Variants in FAT3 observed in about 807,000 individuals in gnomAD.
FAT3 encodes the protein protocadherin Fat 3.
Under a neutral mutation model 310.2 loss-of-function variants are expected in FAT3, and 95 were observed. The ratio of observed to expected loss-of-function variants is 0.31; its 90% CI spans 0.26 to 0.36. FAT3 has a LOEUF of 0.36. Among genes scored for constraint, FAT3 ranks in the 10% least tolerant of loss-of-function variants. The pLI, the probability that FAT3 is intolerant of heterozygous loss-of-function variation, is 1.00. For synonymous variants in FAT3, 2,314 were observed against 2,192.9 expected (o/e 1.06, Z -1.54); for missense variants, 5,408 against 5,715.6 (o/e 0.95, Z 1.74).
At chr11:92,394,481 C>G (rs973711175) in intron 2 of FAT3, among the ~76,000 whole-genome samples, 1 of 152,042 alleles carries the variant, frequency 6.6e-6, no homozygotes, top group African/African-American at 2.4e-5. Flanking sequence ...TAAACTCACC[C>G]TTTCCACCAC....
At chr11:92,755,229 T>TTGTTTGTTTGTC (rs1392732679) in intron 4 of FAT3, among the ~76,000 whole-genome samples, 1 of 152,026 alleles carries the variant, frequency 6.6e-6, no homozygotes, top group East Asian at 1.9e-4. Context: ...GTTTGTTTGT[T>TTGTTTGTTTGTC]TGTTTGTTTT....
At chr11:92,568,116 G>C (rs1614393) in intron 3 of FAT3, among the ~76,000 whole-genome samples, 59,345 of 152,032 alleles carry the variant, frequency 0.39, 12,309 homozygotes, top group Middle Eastern at 0.53. Context: ...CCACCTGACA[G>C]TATTCTAGGC....
chr11:92,723,195 C>T (rs1033528992), intron 4 of FAT3, among the ~76,000 whole-genome samples: 3 of 152,142 alleles, frequency 2.0e-5, no homozygotes, highest in Non-Finnish European at 4.4e-5. Context: ...ACCTCTTGAA[C>T]GTTTTGCTGC....
intron 2 of FAT3, among the ~76,000 whole-genome samples, chr11:92,381,343 G>A (rs2134763055): frequency 6.6e-6 from 1 of 152,242 alleles, no homozygotes; most frequent in South Asian, 2.1e-4. Flanking sequence ...GTGAAACCCT[G>A]TCTCTCCTAA....
chr11:92,666,856 T>C (rs1183050567), intron 3 of FAT3, among the ~76,000 whole-genome samples: 1 of 152,092 alleles, frequency 6.6e-6, no homozygotes, highest in Admixed American at 6.5e-5. Flanking sequence ...GAGCTTATCC[T>C]GGACCAGCCT....
chr11:92,690,445 C>T (rs563658735), intron 3 of FAT3, among the ~76,000 whole-genome samples: 50 of 152,282 alleles, frequency 3.3e-4, no homozygotes, highest in African/African-American at 1.2e-3. Flanking sequence ...ACCATGTGCT[C>T]AATTGAGCAA....
intron 4 of FAT3, among the ~76,000 whole-genome samples, chr11:92,729,549 C>G (rs1218955364): frequency 6.6e-6 from 1 of 151,730 alleles, no homozygotes; most frequent in Admixed American, 6.6e-5. Flanking sequence ...GCCTCAGCCT[C>G]CCAAGTAGCT....
At chr11:92,504,079 A>G (rs1198995191) in intron 2 of FAT3, among the ~76,000 whole-genome samples, 1 of 152,182 alleles carries the variant, frequency 6.6e-6, no homozygotes, top group East Asian at 1.9e-4. Context: ...ATTGTGAATT[A>G]TTATGTAATG....
chr11:92,504,800 A>G (rs966888807), intron 2 of FAT3, among the ~76,000 whole-genome samples: 6 of 152,138 alleles, frequency 3.9e-5, no homozygotes, highest in Non-Finnish European at 2.9e-5. Flanking sequence ...AGGACAGAAG[A>G]CGAATAAGAC....
chr11:92,736,777 G>A (rs1299110306), intron 4 of FAT3, among the ~76,000 whole-genome samples: 1 of 152,150 alleles, frequency 6.6e-6, no homozygotes, highest in Non-Finnish European at 1.5e-5. Context: ...GCAATAAAGT[G>A]AGAATTTGAT....
intron 3 of FAT3, among the ~76,000 whole-genome samples, chr11:92,648,389 C>A (rs1192142999): frequency 6.6e-6 from 1 of 152,124 alleles, no homozygotes; most frequent in Non-Finnish European, 1.5e-5. Flanking sequence ...GCTGTGCAGG[C>A]CCCTCCAGGA....
intron 1 of FAT3, among the ~76,000 whole-genome samples, chr11:92,305,926 A>G (rs1037290621): frequency 2.0e-5 from 3 of 152,146 alleles, no homozygotes; most frequent in African/African-American, 7.2e-5. Flanking sequence ...TCTGTTAACT[A>G]GTTAAGATTA....
rs755104466 is a variant in FAT3, at chr11:92,799,112, G to A, written c.6099G>A (p.Gly2033=). 3.7e-6 allele frequency: 6 copies of A among 1,613,806 alleles called. No homozygotes were observed. The South Asian group carries it at 4.4e-5, about 12-fold the overall frequency. The change falls in exon 10 of 28, where the codon GGG becomes GGA. Residue 2033 remains glycine (G), a synonymous_variant. Coordinates refer to ENST00000525166, the MANE Select transcript of FAT3 (RefSeq NM_001367949.2). ...GNKFKIKSTS[G]VIQTTGVPFD... ...AGTTCAAGATAAAATCTACCTCAGGGGTCATTCAGACGACTGGAGTCCCCT... is the reference window on the plus strand; with the variant it reads ...AGTTCAAGATAAAATCTACCTCAGGAGTCATTCAGACGACTGGAGTCCCCT...
At chr11:92,501,970 C>T (rs768592595) in intron 2 of FAT3, among the ~76,000 whole-genome samples, 6 of 151,126 alleles carry the variant, frequency 4.0e-5, no homozygotes, top group East Asian at 4.0e-4. Context: ...AAAATGCACG[C>T]GCGCGTGTGT....
rs561983278 is a variant in FAT3, at chr11:92,810,024, C to G, written c.9429C>G (p.Asn3143Lys). 1 of 1,613,974 alleles carries G rather than the reference C, an allele frequency of 6.2e-7. No individual in the cohort carries two copies. The highest frequency in any genetic ancestry group is 2.2e-5 in the East Asian group (1 of 44,874). The change falls in exon 13 of 28, where the codon AAC becomes AAG. Residue 3143 changes from asparagine to lysine, a missense_variant. By Grantham distance (94) the Asn-to-Lys change is moderately conservative. This residue lies in a region of FAT3 where 4,588 missense variants were observed against 4,809.8 expected (regional missense o/e 0.95). Coordinates refer to ENST00000525166, the MANE Select transcript of FAT3 (RefSeq NM_001367949.2). ...ACTACAACACCTGTGTCTATGAGAA[C>G]ACAGCCACCAAGGCTCTGTTGACCA... ...SDHYNTCVYE[N>K]TATKALLTRV...
intron 2 of FAT3, among the ~76,000 whole-genome samples, chr11:92,401,381 C>A (rs1018406192): frequency 7.9e-5 from 12 of 152,116 alleles, no homozygotes; most frequent in Admixed American, 2.0e-4. Flanking sequence ...TTCTCTCTAA[C>A]AAAGACCTCA....
chr11:92,329,449 G>C (rs1268068918), intron 1 of FAT3, among the ~76,000 whole-genome samples: 1 of 151,938 alleles, frequency 6.6e-6, no homozygotes, highest in Non-Finnish European at 1.5e-5. Context: ...GAAGCAGCCT[G>C]AGGCCCTCAC....
intron 1 of FAT3, among the ~76,000 whole-genome samples, chr11:92,271,798 C>T (rs1350505749): frequency 6.6e-6 from 1 of 152,166 alleles, no homozygotes; most frequent in African/African-American, 2.4e-5. Flanking sequence ...AGAAGCTATG[C>T]TGCCAGATCC....
intron 19 of FAT3, among the ~76,000 whole-genome samples, chr11:92,849,301 A>G (rs939173677): frequency 1.1e-4 from 17 of 152,228 alleles, no homozygotes; most frequent in African/African-American, 4.1e-4. Context: ...TCCCACCCAC[A>G]GCAGACATCC....
Sources: allele counts gnomAD v4.1 joint callset (sites outside exome capture counted in the v4.1 genomes callset), GRCh38; gene constraint gnomAD v4.1.1; regional missense constraint gnomAD v4.1.1; transcripts MANE v1.5; gene names NCBI Gene and HGNC (gene_info 2026-07-23, HGNC 2026-07-21).